TBC1D23: variants seen among roughly 807,000 people sequenced by gnomAD.
TBC1D23 encodes the protein TBC1 domain family member 23, also known as HCV non-structural protein 4A-transactivated protein 1.
A neutral mutation model predicts 91.4 loss-of-function variants in TBC1D23; 55 were observed. The ratio of observed to expected loss-of-function variants is 0.60; its 90% CI spans 0.48 to 0.75. The LOEUF (loss-of-function observed/expected upper bound fraction) is 0.75. Ranked by LOEUF, TBC1D23 falls within the 30% of genes least tolerant of loss-of-function variation. The pLI is 0.00. For missense variants in TBC1D23, 725 were observed against 836.1 expected (o/e 0.87, Z 1.64); for synonymous variants, 289 against 281.0 (o/e 1.03, Z -0.28).
chr3:100,262,066 A>G (rs931904776), intron 1 of TBC1D23, among the ~76,000 whole-genome samples: 1 of 152,244 alleles, frequency 6.6e-6, no homozygotes. Flanking sequence ...GGGATAGATA[A>G]TTAGTAATTA....
chr3:100,322,642 TAATC>T (rs1247366650), intron 18 of TBC1D23, among the ~76,000 whole-genome samples: 1 of 152,224 alleles, frequency 6.6e-6, no homozygotes, highest in Non-Finnish European at 1.5e-5. Flanking sequence ...ACTTATAAAT[TAATC>T]CTAACCAAAG....
At position 100,320,808 on chromosome 3, in the gene TBC1D23, T is replaced by A; in HGVS notation, c.1855T>A (p.Cys619Ser). 1 of 1,592,808 alleles carries A rather than the reference T, an allele frequency of 6.3e-7. No homozygotes were observed. The change falls in exon 18 of 19, where the codon TGT becomes AGT. Residue 619 changes from cysteine to serine, a missense_variant. Transcript: ENST00000394144. Reference protein sequence around the residue: ...HLLVTATHMYCLREIVSRKGL... With the variant: ...HLLVTATHMYSLREIVSRKGL... ...GTTGGTTACTGCAACACATATGTAC[T>A]GTTTAAGGGAGATTGTTTCACGGAA... is the stretch of plus-strand genomic sequence containing the variant.
chr3:100,268,407 A>C (rs1559799144), intron 1 of TBC1D23, among the ~76,000 whole-genome samples: 1 of 152,162 alleles, frequency 6.6e-6, no homozygotes, highest in African/African-American at 2.4e-5. Context: ...TTAAAAAAAA[A>C]CCCAATATGT....
At position 100,305,056 on chromosome 3, in the gene TBC1D23, C is replaced by T. The variant is rs561978229; in HGVS notation, c.1306+168C>T. Among the ~76,000 whole-genome samples the T allele has an allele frequency of 4.6e-5, 7 of 152,078 alleles. No individual in the cohort carries two copies. The East Asian group carries it at 5.8e-4, about 13-fold the overall frequency. ...GGAGGACTTACAGATAACAGACAAA[C>T]GTAATAGGCAATTGAAATTGGTGAC... is the stretch of plus-strand genomic sequence containing the variant. On this transcript the variant is annotated intron_variant, in intron 12 of 18. Transcript: ENST00000394144.
At chr3:100,272,776 G>A (rs992471498) in intron 1 of TBC1D23, among the ~76,000 whole-genome samples, 1 of 152,220 alleles carries the variant, frequency 6.6e-6, no homozygotes, top group African/African-American at 2.4e-5. Flanking sequence ...CTGCATCATA[G>A]ACAAGGTAAA....
intron 13 of TBC1D23, 57 bp downstream of exon 13, chr3:100,306,600 T>C: frequency 2.0e-6 from 2 of 999,040 alleles, no homozygotes; most frequent in Non-Finnish European, 3.2e-6. Context: ...GAAAAGGTGA[T>C]TAACTACTAA....
chr3:100,323,722 A>G lies in TBC1D23; in HGVS notation c.*54A>G. ...TAAGACAACCAAGAGAAACATGGACATATACCTCCTGACTGAATACTAACT... is the reference window on the plus strand; with the variant it reads ...TAAGACAACCAAGAGAAACATGGACGTATACCTCCTGACTGAATACTAACT... On this transcript the variant is annotated 3_prime_UTR_variant, in exon 19 of 19. Coordinates refer to ENST00000394144, the MANE Select transcript of TBC1D23 (RefSeq NM_001199198.3). The G allele has an allele frequency of 1.1e-6, 1 of 897,226 alleles. No individual in the cohort carries two copies. Among genetic ancestry groups the G allele is most frequent in the East Asian group, 3.3e-5 (1 of 30,136 alleles). The allele number at this position is 897,226 out of a possible 1,614,324, so 55.6% of individuals were successfully genotyped here.
At chr3:100,321,830 TA>T (rs10693696) in intron 18 of TBC1D23, among the ~76,000 whole-genome samples, 38,179 of 146,016 alleles carry the variant, frequency 0.26, 5,199 homozygotes, top group Non-Finnish European at 0.31. Flanking sequence ...ACCTGATTTG[TA>T]AAAAAAAAAA....
At chr3:100,272,850 T>G (rs1576158882) in intron 1 of TBC1D23, among the ~76,000 whole-genome samples, 1 of 152,358 alleles carries the variant, frequency 6.6e-6, no homozygotes, top group East Asian at 1.9e-4. Flanking sequence ...CAGAGCAGTA[T>G]TGTTGCCCAC....
intron 18 of TBC1D23, among the ~76,000 whole-genome samples, chr3:100,323,132 T>G (rs1705893051): frequency 6.6e-6 from 1 of 152,202 alleles, no homozygotes; most frequent in Non-Finnish European, 1.5e-5. Flanking sequence ...TATATAGGAA[T>G]CTGTTTTAGT....
chr3:100,315,196 CTTG>C (rs1454530034), intron 15 of TBC1D23, among the ~76,000 whole-genome samples: 5 of 95,568 alleles, frequency 5.2e-5, no homozygotes, highest in African/African-American at 2.1e-4. Context: ...GAGTTTCACT[CTTG>C]TTGTCCAGGA....
intron 4 of TBC1D23, among the ~76,000 whole-genome samples, chr3:100,284,737 A>T (rs925028159): frequency 6.6e-6 from 1 of 152,170 alleles, no homozygotes; most frequent in African/African-American, 2.4e-5. Context: ...AGTGCAATAG[A>T]TCAGATAGTT....
chr3:100,261,159 G>T (rs550953355), intron 1 of TBC1D23, 88 bp downstream of exon 1: 2 of 1,353,262 alleles, frequency 1.5e-6, no homozygotes, highest in Admixed American at 3.5e-5. Flanking sequence ...TCTGGCGTCG[G>T]CATGGAACGG....
chr3:100,295,226 G>T lies in TBC1D23; in HGVS notation c.725+15G>T. On this transcript the variant is annotated intron_variant, in intron 6 of 18. Coordinates refer to ENST00000394144, the MANE Select transcript of TBC1D23 (RefSeq NM_001199198.3). ...GTTAATGCAAAGTAAGTATCTGGTT[G>T]GTTAGATTTTTTTTCCTCTTTTCTC... The T allele has an allele frequency of 1.9e-6, 3 of 1,594,550 alleles. No homozygotes were observed. Among genetic ancestry groups the T allele is most frequent in the Non-Finnish European group, 2.6e-6 (3 of 1,173,714 alleles).
chr3:100,303,240 AG>A (rs1705464453), intron 11 of TBC1D23, among the ~76,000 whole-genome samples: 1 of 152,214 alleles, frequency 6.6e-6, no homozygotes, highest in African/African-American at 2.4e-5. Flanking sequence ...ATGGTACACA[AG>A]CCACTCAATT....
intron 1 of TBC1D23, among the ~76,000 whole-genome samples, chr3:100,269,810 C>G (rs1402590995): frequency 6.6e-6 from 1 of 152,174 alleles, no homozygotes; most frequent in African/African-American, 2.4e-5. Flanking sequence ...TAAGAAACCC[C>G]CAGAAATGTG....
rs1455246117 is a variant in TBC1D23, at chr3:100,302,229, T to G, written c.1255T>G (p.Phe419Val). 1 of 1,609,712 alleles carries G rather than the reference T, an allele frequency of 6.2e-7. No homozygotes were observed. Among genetic ancestry groups the G allele is most frequent in the Non-Finnish European group, 8.5e-7 (1 of 1,178,362 alleles). ...GTATATGAACATGGTCCTGGCACACTTTTTACAGGTATGCTGACATAAATT... is the reference window on the plus strand; with the variant it reads ...GTATATGAACATGGTCCTGGCACACGTTTTACAGGTATGCTGACATAAATT... ...DMYMNMVLAHFLQKNKEYVSI... is the reference protein window; with the variant it reads ...DMYMNMVLAHVLQKNKEYVSI... Residue 419 changes from phenylalanine to valine, a missense_variant, in exon 11 of 19, where the codon TTT becomes GTT. Physicochemically the swap from Phe to Val is conservative, Grantham distance 50. Transcript: ENST00000394144.
In TBC1D23 at chr3:100,316,082, A is replaced by C; in HGVS notation, c.1599-17A>C. The C allele has an allele frequency of 3.1e-6, 5 of 1,591,978 alleles. No individual in the cohort carries two copies. The highest frequency in any genetic ancestry group is 3.4e-6 in the Non-Finnish European group (4 of 1,159,934). On this transcript the variant is annotated splice_polypyrimidine_tract_variant and intron_variant, in intron 15 of 18. Coordinates refer to ENST00000394144, the MANE Select transcript of TBC1D23 (RefSeq NM_001199198.3). ...TTCTTAAGTGATTATTTCTCTCCTAAAATTCTTTGAATATAGGCATGTGAG... is the reference window on the plus strand; with the variant it reads ...TTCTTAAGTGATTATTTCTCTCCTACAATTCTTTGAATATAGGCATGTGAG...
At position 100,295,150 on chromosome 3, in the gene TBC1D23, C is replaced by G; in HGVS notation, c.664C>G (p.Leu222Val). The change falls in exon 6 of 19, where the codon CTA (leucine) becomes GTA (valine). Residue 222 changes from leucine (L) to valine (V), a missense_variant. Leu to Val is a conservative substitution (Grantham distance 32, BLOSUM62 1). Coordinates refer to ENST00000394144, the MANE Select transcript of TBC1D23 (RefSeq NM_001199198.3). ...CACTCAGGCAATATGGGATGGATAT[C>G]TACAACAAGCAGATCCATTTTTTAT... The part of the protein sequence containing the change: ...EVTQAIWDGY[L>V]QQADPFFIYF... The G allele has an allele frequency of 6.2e-7, 1 of 1,606,260 alleles. No individual in the cohort carries two copies. Among genetic ancestry groups the G allele is most frequent in the Non-Finnish European group, 8.5e-7 (1 of 1,176,318 alleles).
Sources: allele counts gnomAD v4.1 joint callset (sites outside exome capture counted in the v4.1 genomes callset), GRCh38; gene constraint gnomAD v4.1.1; transcripts MANE v1.5; gene names NCBI Gene and HGNC (gene_info 2026-07-23, HGNC 2026-07-21).